Variants in DLG2 observed in about 807,000 individuals in gnomAD.
DLG2 encodes disks large homolog 2.
A neutral mutation model predicts 132.5 loss-of-function variants in DLG2; 45 were observed. The observed-to-expected ratio is 0.34, with a 90% CI of 0.27 to 0.44. The LOEUF is 0.44. DLG2 is among the 20% of genes least tolerant of loss of function. The probability of loss-of-function intolerance (pLI) is 1.00; values close to 1 mark genes in which losing one functional copy is unlikely to be tolerated. For missense variants in DLG2, 1,045 were observed against 1,196.9 expected, an observed-to-expected ratio of 0.87 and a Z score of 1.87; for synonymous variants, 424 against 419.6, an observed-to-expected ratio of 1.01 and a Z score of -0.13.
intron 21 of DLG2, 52 bp downstream of exon 21, chr11:83,532,656 T>A: frequency 1.3e-6 from 2 of 1,538,508 alleles, no homozygotes; most frequent in Non-Finnish European, 9.0e-7. Context: ...TTAATTATAG[T>A]TAAATCCATG....
intron 8 of DLG2, among the ~76,000 whole-genome samples, chr11:84,213,878 C>T (rs2096793375): frequency 7.1e-6 from 1 of 140,486 alleles, no homozygotes; most frequent in African/African-American, 2.6e-5. Flanking sequence ...AATTCCTATA[C>T]ACAATAAAGT....
intron 19 of DLG2, among the ~76,000 whole-genome samples, chr11:83,554,178 C>T (rs1164308468): frequency 6.6e-6 from 1 of 152,088 alleles, no homozygotes; most frequent in Non-Finnish European, 1.5e-5. Context: ...ACCACCATGC[C>T]AGGCCTATAG....
intron 7 of DLG2, among the ~76,000 whole-genome samples, chr11:84,379,207 T>C (rs528266673): frequency 2.0e-5 from 3 of 151,730 alleles, no homozygotes; most frequent in South Asian, 4.2e-4. Context: ...CAAAAGAAAA[T>C]AACAAAGTAA....
Position 83,459,855 on chromosome 11 carries a change from C to A in DLG2, c.2891G>T (p.Gly964Val). The A allele has an allele frequency of 1.2e-6, 2 of 1,611,728 alleles. No individual in the cohort carries two copies. Among genetic ancestry groups the A allele is most frequent in the Non-Finnish European group, 1.7e-6 (2 of 1,177,940 alleles). ...CTTTGAGGGAATCCAGATGAAAGGC[C>A]CAGATTGCTCTTCAATAACAAGCTT... ...QCKLVIEEQS[G>V]PFIWIPSKEK... Residue 964 changes from glycine (G) to valine (V), a missense_variant, in exon 28 of 28, where the codon GGG (glycine) becomes GTG (valine). Around this residue, in one of 4 missense-constraint regions of DLG2, gnomAD observed 398 missense variants for 543.6 expected, o/e 0.73. Transcript: ENST00000376104.
chr11:85,027,959 C>A (rs2060679092), intron 6 of DLG2, among the ~76,000 whole-genome samples: 1 of 152,112 alleles, frequency 6.6e-6, no homozygotes, highest in Non-Finnish European at 1.5e-5. Context: ...TTTGGCAGGT[C>A]CTAAGTTCTT....
At chr11:84,427,138 C>T (rs923377108) in intron 7 of DLG2, among the ~76,000 whole-genome samples, 1 of 151,766 alleles carries the variant, frequency 6.6e-6, no homozygotes, top group Non-Finnish European at 1.5e-5. Context: ...GAGTAAGAGG[C>T]ATCATTGGTG....
intron 6 of DLG2, among the ~76,000 whole-genome samples, chr11:84,746,261 A>G (rs549514118): frequency 7.9e-5 from 12 of 152,084 alleles, no homozygotes; most frequent in East Asian, 5.8e-4. Flanking sequence ...GAAAAAAAAA[A>G]AAAAGAAAAG....
chr11:84,711,811 T>C (rs1178976175), intron 6 of DLG2, among the ~76,000 whole-genome samples: 1 of 151,996 alleles, frequency 6.6e-6, no homozygotes, highest in East Asian at 1.9e-4. Flanking sequence ...CTCTCAGATA[T>C]ACCCAGAATG....
At chr11:84,271,321 G>A (rs961132229) in intron 7 of DLG2, among the ~76,000 whole-genome samples, 3 of 152,298 alleles carry the variant, frequency 2.0e-5, no homozygotes, top group Admixed American at 6.5e-5. Context: ...TTATATATGT[G>A]TGAATTAAGC....
At chr11:85,001,346 C>G (rs958143931) in intron 6 of DLG2, among the ~76,000 whole-genome samples, 1 of 152,054 alleles carries the variant, frequency 6.6e-6, no homozygotes, top group Non-Finnish European at 1.5e-5. Context: ...CTTTTAAGAG[C>G]TTGAATAAAC....
At chr11:83,881,742 C>A (rs1041117780) in intron 15 of DLG2, among the ~76,000 whole-genome samples, 2 of 152,162 alleles carry the variant, frequency 1.3e-5, no homozygotes, top group Non-Finnish European at 2.9e-5. Context: ...AATTTCCATT[C>A]CTTTCAGGTG....
chr11:84,077,916 T>A (rs1435727991), intron 10 of DLG2, among the ~76,000 whole-genome samples: 1 of 152,186 alleles, frequency 6.6e-6, no homozygotes, highest in Non-Finnish European at 1.5e-5. Context: ...CAAAAACACA[T>A]GTACAAATAT....
chr11:84,276,661 G>T (rs183057721), intron 7 of DLG2, among the ~76,000 whole-genome samples: 79 of 152,144 alleles, frequency 5.2e-4, no homozygotes, highest in African/African-American at 1.8e-3. Flanking sequence ...CATTAAACAC[G>T]CAGTCACTAG....
At chr11:85,423,145 G>C (rs1235171091) in intron 3 of DLG2, among the ~76,000 whole-genome samples, 1 of 152,198 alleles carries the variant, frequency 6.6e-6, no homozygotes, top group Non-Finnish European at 1.5e-5. Flanking sequence ...CTCTGAGGTA[G>C]AACTCTCCCC....
chr11:84,588,912 G>A lies in DLG2; in HGVS notation c.358-54181C>T, dbSNP rs529606461. On this transcript the variant is annotated intron_variant, in intron 6 of 27. Transcript: ENST00000376104. ...TTACTTTACTCTATGGACTCGCCCT[G>A]AATTCTTTCTTGCCTGAGATCAAAG... 2.0e-5 allele frequency among the ~76,000 whole-genome samples: 3 copies of A among 152,138 alleles called. No individual in the cohort carries two copies. In the East Asian group the frequency reaches 5.8e-4, roughly 29 times the overall value.
intron 18 of DLG2, among the ~76,000 whole-genome samples, chr11:83,782,097 G>T (rs994704697): frequency 1.6e-4 from 24 of 152,128 alleles, no homozygotes; most frequent in African/African-American, 5.8e-4. Context: ...TACTAGGGTT[G>T]CTAAAGGTTT....
intron 3 of DLG2, among the ~76,000 whole-genome samples, chr11:85,509,437 T>C (rs76563917): frequency 6.6e-6 from 1 of 152,048 alleles, no homozygotes; most frequent in African/African-American, 2.4e-5. Flanking sequence ...ACAAGGCACA[T>C]TGACTAACCC....
intron 6 of DLG2, among the ~76,000 whole-genome samples, chr11:84,775,474 T>A (rs551170397): frequency 2.0e-5 from 3 of 152,196 alleles, no homozygotes; most frequent in Admixed American, 2.0e-4. Flanking sequence ...CACATGTGTG[T>A]TCATTGCAGC....
At chr11:85,246,127 G>C (rs1481397654) in intron 4 of DLG2, among the ~76,000 whole-genome samples, 1 of 151,842 alleles carries the variant, frequency 6.6e-6, no homozygotes, top group Admixed American at 6.6e-5. Flanking sequence ...TTATGAGGAT[G>C]TGAATTATAA....
Sources: allele counts gnomAD v4.1 joint callset (sites outside exome capture counted in the v4.1 genomes callset), GRCh38; gene constraint gnomAD v4.1.1; regional missense constraint gnomAD v4.1.1; transcripts MANE v1.5; gene names NCBI Gene and HGNC (gene_info 2026-07-23, HGNC 2026-07-21).